The following TACC2 variants were observed in gnomAD, a reference collection of about 807,000 sequenced individuals.
The protein encoded by TACC2 is transforming acidic coiled-coil-containing protein 2.
Under a neutral mutation model 227.3 loss-of-function variants are expected in TACC2, and 137 were observed. That is an observed-to-expected ratio of 0.60 (90% CI 0.52 to 0.69). TACC2 has a LOEUF of 0.69. Among genes scored for constraint, TACC2 ranks in the 30% least tolerant of loss-of-function variants. The probability of loss-of-function intolerance (pLI) is 0.00; values close to 1 mark genes in which losing one functional copy is unlikely to be tolerated. For synonymous variants in TACC2, 1,523 were observed against 1,487.5 expected (o/e 1.02, Z -0.55); for missense variants, 3,470 against 3,694.4 (o/e 0.94, Z 1.57).
At chr10:122,135,604 C>T (rs2089449516) in intron 6 of TACC2, among the ~76,000 whole-genome samples, 1 of 152,096 alleles carries the variant, frequency 6.6e-6, no homozygotes, top group African/African-American at 2.4e-5. Flanking sequence ...CTGTTAATAC[C>T]AAGGATTGGT....
intron 5 of TACC2, among the ~76,000 whole-genome samples, chr10:122,129,286 G>A (rs2087565914): frequency 6.6e-6 from 1 of 151,694 alleles, no homozygotes; most frequent in South Asian, 2.1e-4. Context: ...TCGAACTCTT[G>A]ACCTCAGGTG....
At chr10:122,199,380 T>C (rs578190537) in intron 8 of TACC2, among the ~76,000 whole-genome samples, 2 of 152,336 alleles carry the variant, frequency 1.3e-5, no homozygotes, top group Non-Finnish European at 2.9e-5. Context: ...TGGCTTCCCT[T>C]TTCTTTGGGC....
At chr10:122,248,604 T>C (rs761837221) in intron 19 of TACC2, 39 bp from the exon 20 acceptor site, 32 of 1,611,250 alleles carry the variant, frequency 2.0e-5, no homozygotes, top group South Asian at 1.8e-4. Context: ...GTTTGGACTT[T>C]CTGGGCTCCA....
At chr10:122,253,279 T>A (rs1300565140) in intron 22 of TACC2, among the ~76,000 whole-genome samples, 1 of 152,196 alleles carries the variant, frequency 6.6e-6, no homozygotes, top group East Asian at 1.9e-4. Context: ...TTGATCAGCA[T>A]CAGAGCCAGC....
Position 122,129,422 on chromosome 10 carries a change from G to A in TACC2, c.5574-3187G>A, listed in dbSNP as rs150707908. On this transcript the variant is annotated intron_variant, in intron 5 of 22. Transcript: ENST00000369005. ...TGGTTGCGCCTTAATTTGATGAACT[G>A]TCCTCTACTGTTGGGCATTTTGGTT... Among the ~76,000 whole-genome samples, 663 of 152,212 alleles carry A rather than the reference G, an allele frequency of 4.4e-3. 1 individual carries two copies. Among genetic ancestry groups the A allele is most frequent in the Non-Finnish European group, 7.7e-3 (522 of 68,020 alleles).
intron 5 of TACC2, among the ~76,000 whole-genome samples, chr10:122,123,018 C>T (rs762652472): frequency 1.1e-4 from 16 of 151,934 alleles, no homozygotes; most frequent in South Asian, 2.1e-4. Flanking sequence ...TTTTGGAGAT[C>T]ATTTTTTTGA....
intron 1 of TACC2, among the ~76,000 whole-genome samples, chr10:122,018,160 C>A (rs1226354551): frequency 6.6e-6 from 1 of 152,006 alleles, no homozygotes; most frequent in Non-Finnish European, 1.5e-5. Flanking sequence ...GTATGTTGTT[C>A]CCCTCTCTGT....
At chr10:122,218,233 G>A (rs952872689) in intron 11 of TACC2, among the ~76,000 whole-genome samples, 2 of 152,282 alleles carry the variant, frequency 1.3e-5, no homozygotes, top group Middle Eastern at 3.4e-3. Flanking sequence ...GTGAGCCACC[G>A]CGCCTGACCG....
chr10:122,217,919 G>A (rs972916137), intron 11 of TACC2, among the ~76,000 whole-genome samples: 2 of 151,892 alleles, frequency 1.3e-5, no homozygotes, highest in Non-Finnish European at 2.9e-5. Context: ...ATGGTTTTGA[G>A]TTTTCCTTTC....
At chr10:122,245,584 T>C (rs1391678673) in intron 19 of TACC2, among the ~76,000 whole-genome samples, 5 of 152,054 alleles carry the variant, frequency 3.3e-5, no homozygotes, top group Admixed American at 2.6e-4. Context: ...ATTAGAGACA[T>C]GTTGAAAGGC....
chr10:122,176,117 C>CTATATATATATATATATA (rs35172894), intron 7 of TACC2, among the ~76,000 whole-genome samples: 5 of 54,656 alleles, frequency 9.1e-5, no homozygotes, highest in South Asian at 8.4e-4. Context: ...CTCTCTCTCT[C>CTATATATATATATATATA]TATATATATA....
intron 4 of TACC2, 37 bp from the exon 5 acceptor site, chr10:122,088,441 A>G: frequency 3.2e-6 from 5 of 1,566,462 alleles, no homozygotes; most frequent in Non-Finnish European, 4.3e-6. Flanking sequence ...CTTACTATCT[A>G]CATTATCCTA....
intron 2 of TACC2, among the ~76,000 whole-genome samples, chr10:122,042,306 A>G (rs1330428611): frequency 1.3e-5 from 2 of 151,950 alleles, no homozygotes; most frequent in East Asian, 3.9e-4. Context: ...TCAGTGGCAC[A>G]GTCTCAGCTC....
At chr10:122,235,702 G>A (rs188458903) in intron 16 of TACC2, among the ~76,000 whole-genome samples, 1 of 152,288 alleles carries the variant, frequency 6.6e-6, no homozygotes, top group African/African-American at 2.4e-5. Context: ...CTGCATGTGA[G>A]GCTCCGGCCC....
At chr10:122,108,626 A>C (rs2083216773) in intron 5 of TACC2, among the ~76,000 whole-genome samples, 1 of 146,894 alleles carries the variant, frequency 6.8e-6, no homozygotes, top group African/African-American at 2.5e-5. Flanking sequence ...TTGTATGTTT[A>C]GTAGAGACGA....
In TACC2 at chr10:122,210,654, C is replaced by A. The variant is rs1175338836; in HGVS notation, c.6229C>A (p.Pro2077Thr). 6.2e-7 allele frequency: 1 copy of A among 1,614,008 alleles called. No individual in the cohort carries two copies. Among genetic ancestry groups the A allele is most frequent in the Non-Finnish European group, 8.5e-7 (1 of 1,180,024 alleles). The stretch of plus-strand genomic sequence containing the variant: ...ACGGAGGAAGTCCACGGATTCCGTC[C>A]CCATCTCTAAGTCTACACTGTCCCG... ...NTRRKSTDSV[P>T]ISKSTLSRSL... is the part of the protein sequence containing the mutation. Residue 2077 changes from proline to threonine, a missense_variant, in exon 9 of 23, where the codon CCC becomes ACC. By Grantham distance (38) the Pro-to-Thr change is conservative. Around this residue, in one of 10 missense-constraint regions of TACC2, gnomAD observed 593 missense variants for 636.6 expected, o/e 0.93. Coordinates refer to ENST00000369005, the MANE Select transcript of TACC2 (RefSeq NM_206862.4). This position sits in a 1 kb window ranked among gnomAD's most constrained non-coding sequence, Gnocchi z 4.6.
chr10:122,011,530 A>G (rs1228536865), intron 1 of TACC2, among the ~76,000 whole-genome samples: 1 of 152,040 alleles, frequency 6.6e-6, no homozygotes, highest in East Asian at 1.9e-4. Flanking sequence ...GGGTTTCACC[A>G]TGGTGACCAG....
intron 7 of TACC2, among the ~76,000 whole-genome samples, chr10:122,166,249 G>A (rs1388938652): frequency 2.0e-5 from 3 of 152,208 alleles, no homozygotes; most frequent in African/African-American, 7.2e-5. Context: ...TGGTGTAAGA[G>A]TGAAATCAAA....
chr10:122,160,279 G>C (rs535982310), intron 7 of TACC2, among the ~76,000 whole-genome samples: 2 of 152,280 alleles, frequency 1.3e-5, no homozygotes, highest in Admixed American at 6.5e-5. Flanking sequence ...GCCTGCCTTC[G>C]GGCCCCTAGA....
Sources: gnomAD v4.1 joint callset for allele counts (sites outside exome capture counted in the v4.1 genomes callset) on GRCh38, gnomAD v4.1.1 for gene constraint, gnomAD v4.1.1 regional missense constraint, Gnocchi (gnomAD v3.1) non-coding constraint, MANE v1.5 for transcripts, NCBI Gene and HGNC (gene_info 2026-07-23, HGNC 2026-07-21) for gene names.